FBN2: variants seen among roughly 807,000 people sequenced by gnomAD.
FBN2 encodes the protein fibrillin 2.
Under a neutral mutation model 355.6 loss-of-function variants are expected in FBN2, and 105 were observed. The ratio of observed to expected loss-of-function variants is 0.30; its 90% CI spans 0.25 to 0.35. FBN2 has a LOEUF of 0.35. FBN2 is among the 10% of genes least tolerant of loss of function. The pLI is 1.00. For synonymous variants in FBN2, 1,350 were observed against 1,301.2 expected (o/e 1.04, Z -0.81); for missense variants, 3,280 against 3,758.7 (o/e 0.87, Z 3.33).
chr5:128,469,926 G>A (rs1189029065), intron 5 of FBN2, among the ~76,000 whole-genome samples: 6 of 152,220 alleles, frequency 3.9e-5, no homozygotes, highest in African/African-American at 1.2e-4. Flanking sequence ...GACGTCCAGT[G>A]TGTTACAGAA....
At chr5:128,308,616 A>T (rs1749949534) in intron 41 of FBN2, among the ~76,000 whole-genome samples, 1 of 152,186 alleles carries the variant, frequency 6.6e-6, no homozygotes, top group Non-Finnish European at 1.5e-5. Flanking sequence ...AGCAATTTTA[A>T]GACAAGCATT....
chr5:128,482,808 A>T (rs1006928927), intron 5 of FBN2, among the ~76,000 whole-genome samples: 1 of 152,132 alleles, frequency 6.6e-6, no homozygotes, highest in African/African-American at 2.4e-5. Context: ...TTTTTTTATC[A>T]TCATTATAAT....
At chr5:128,479,705 T>G (rs891853821) in intron 5 of FBN2, among the ~76,000 whole-genome samples, 1 of 151,974 alleles carries the variant, frequency 6.6e-6, no homozygotes, top group Admixed American at 6.6e-5. Flanking sequence ...AACAGGAGGA[T>G]AGCCTCAGGC....
chr5:128,417,492 T>C (rs1033047492), intron 7 of FBN2, among the ~76,000 whole-genome samples: 5 of 152,188 alleles, frequency 3.3e-5, no homozygotes, highest in Admixed American at 3.3e-4. Context: ...GAGTGTGTCA[T>C]ACATGGCATT....
rs542380298 is a variant in FBN2, at chr5:128,378,797, C to T, written c.1697G>A (p.Arg566Lys). The T allele has an allele frequency of 6.2e-7, 1 of 1,613,118 alleles. No homozygotes were observed. Among genetic ancestry groups the T allele is most frequent in the African/African-American group, 1.3e-5 (1 of 74,974 alleles). Residue 566 changes from arginine to lysine, a missense_variant, in exon 12 of 65, where the codon AGG (arginine) becomes AAG (lysine). Physicochemically the swap from Arg to Lys is conservative, Grantham distance 26. This residue lies in a region of FBN2 where 2,284 missense variants were observed against 2,749.5 expected (regional missense o/e 0.83). Transcript: ENST00000262464. ...AATGCATGCTTGCTTGGTAGGAGTC[C>T]TCTGGAATCCAGCATGACATTTACA... The part of the protein sequence containing the change: ...YYCKCHAGFQ[R>K]TPTKQACIDI...
At chr5:128,404,639 C>T (rs1752880696) in intron 8 of FBN2, among the ~76,000 whole-genome samples, 1 of 152,220 alleles carries the variant, frequency 6.6e-6, no homozygotes, top group African/African-American at 2.4e-5. Context: ...AAAAGATTTA[C>T]TCAGCACAAA....
rs766590294 is a variant in FBN2 at position 128,349,963 on chromosome 5, G to A, written c.2855C>T (p.Thr952Met). 5.0e-6 allele frequency: 8 copies of A among 1,613,170 alleles called. No homozygotes were observed. Among genetic ancestry groups the A allele is most frequent in the East Asian group, 4.5e-5 (2 of 44,878 alleles). The change falls in exon 22 of 65, where the codon ACG (threonine) becomes ATG (methionine). Residue 952 changes from threonine to methionine, a missense_variant. Physicochemically the swap from Thr to Met is moderately conservative, Grantham distance 81. Transcript: ENST00000262464. ...AGGAAGGATACACTCACCTTCACAC[G>A]TAACACCTTTAATCCTGGCAAGCCC... ...PRGLARIKGV[T>M]CEDVNECEVF...
chr5:128,466,064 C>T (rs962575861), intron 5 of FBN2, among the ~76,000 whole-genome samples: 4 of 152,142 alleles, frequency 2.6e-5, no homozygotes, highest in African/African-American at 7.2e-5. Flanking sequence ...TTTCGATGAT[C>T]GGTGAAACAG....
Position 128,281,345 on chromosome 5 carries a change from G to A in FBN2, c.7013-1028C>T, listed in dbSNP as rs149756866. Among the ~76,000 whole-genome samples, 293 of 152,306 alleles carry A rather than the reference G, an allele frequency of 1.9e-3. 2 individuals are homozygous for A. Among genetic ancestry groups the A allele is most frequent in the African/African-American group, 6.9e-3 (285 of 41,570 alleles). The stretch of plus-strand genomic sequence containing the variant: ...TTTCCCTATGAACTCATATTTGGAA[G>A]TCACAGTCTTCTTTCAATTCTTACA... On this transcript the variant is annotated intron_variant, in intron 55 of 64. Coordinates refer to ENST00000262464, the MANE Select transcript of FBN2 (RefSeq NM_001999.4).
At chr5:128,391,569 C>A (rs1325590415) in intron 11 of FBN2, among the ~76,000 whole-genome samples, 1 of 151,814 alleles carries the variant, frequency 6.6e-6, no homozygotes, top group East Asian at 1.9e-4. Context: ...TAGAGATAAC[C>A]AATGATTTTA....
At chr5:128,318,107 AC>A (rs34531321) in intron 36 of FBN2, 41 bp downstream of exon 36, 5 of 1,600,164 alleles carry the variant, frequency 3.1e-6, no homozygotes, top group Non-Finnish European at 4.3e-6. Context: ...TGAATATTCA[AC>A]TTGATAATTC....
intron 6 of FBN2, among the ~76,000 whole-genome samples, chr5:128,460,946 G>A (rs570877611): frequency 9.2e-4 from 140 of 152,140 alleles, no homozygotes; most frequent in Non-Finnish European, 1.8e-3. Flanking sequence ...GGCATGGGGG[G>A]AGACTTCATG....
chr5:128,258,009 CTT>C lies in FBN2; in HGVS notation c.*1444_*1445del, dbSNP rs1422705887. On this transcript the variant is annotated 3_prime_UTR_variant, in exon 65 of 65. Transcript: ENST00000262464. ...AACCATAAGTTTTTCCTCACAAACT[CTT>C]GATTACAAATTTACACTGTTCCTTT... 1.3e-5 allele frequency: 2 copies of C among 152,328 alleles called. No homozygotes were observed. Among genetic ancestry groups the C allele is most frequent in the Admixed American group, 6.5e-5 (1 of 15,272 alleles). 9.4% of individuals were successfully genotyped at this position (152,328 alleles called of 1,614,324 possible). A position where few individuals can be genotyped will look rare whatever the true frequency, so the allele number is the denominator to read the frequency against.
intron 7 of FBN2, among the ~76,000 whole-genome samples, chr5:128,425,483 T>C (rs982384537): frequency 2.6e-5 from 4 of 152,232 alleles, no homozygotes; most frequent in Admixed American, 1.3e-4. Flanking sequence ...GAATGTAGTA[T>C]TTAATAGGGA....
At chr5:128,419,695 A>AT (rs950822195) in intron 7 of FBN2, among the ~76,000 whole-genome samples, 22 of 151,830 alleles carry the variant, frequency 1.4e-4, no homozygotes, top group South Asian at 4.2e-4. Context: ...CTGATGTATA[A>AT]TTTTTTTTGT....
chr5:128,390,486 C>T (rs535047205), intron 11 of FBN2, among the ~76,000 whole-genome samples: 2 of 152,200 alleles, frequency 1.3e-5, no homozygotes, highest in South Asian at 4.1e-4. Context: ...ATACAATGAA[C>T]TCACAGGGTA....
intron 5 of FBN2, among the ~76,000 whole-genome samples, chr5:128,488,871 G>C (rs1225168118): frequency 6.6e-6 from 1 of 151,836 alleles, no homozygotes; most frequent in African/African-American, 2.4e-5. Flanking sequence ...TGGTGTATAT[G>C]TGCCACATTT....
intron 5 of FBN2, among the ~76,000 whole-genome samples, chr5:128,478,755 G>T (rs1026682526): frequency 3.3e-5 from 5 of 152,136 alleles, no homozygotes; most frequent in African/African-American, 1.2e-4. Context: ...TGCCAAAACA[G>T]GATTCTGTGG....
intron 46 of FBN2, among the ~76,000 whole-genome samples, chr5:128,302,417 T>C (rs1331973313): frequency 6.6e-6 from 1 of 152,232 alleles, no homozygotes; most frequent in Non-Finnish European, 1.5e-5. Flanking sequence ...TGTGTGTTGC[T>C]GTGGGCCAAA....
Sources: allele counts gnomAD v4.1 joint callset (sites outside exome capture counted in the v4.1 genomes callset), GRCh38; gene constraint gnomAD v4.1.1; regional missense constraint gnomAD v4.1.1; transcripts MANE v1.5; gene names NCBI Gene and HGNC (gene_info 2026-07-23, HGNC 2026-07-21).